Variants in CTNND2 observed in about 807,000 individuals in gnomAD.
CTNND2 encodes catenin delta-2.
Under a neutral mutation model 144.4 loss-of-function variants are expected in CTNND2, and 22 were observed. The ratio of observed to expected loss-of-function variants is 0.15; its 90% CI spans 0.11 to 0.22. The LOEUF (loss-of-function observed/expected upper bound fraction) is 0.22, where lower values mean the gene tolerates loss of function less well. Ranked by LOEUF, CTNND2 falls within the 10% of genes least tolerant of loss-of-function variation. The pLI is 1.00. For missense variants in CTNND2, 1,353 were observed against 1,618.8 expected, an observed-to-expected ratio of 0.84 and a Z score of 2.82; for synonymous variants, 751 against 695.6, an observed-to-expected ratio of 1.08 and a Z score of -1.25.
intron 9 of CTNND2, among the ~76,000 whole-genome samples, chr5:11,314,974 C>T (rs1751346522): frequency 6.6e-6 from 1 of 152,112 alleles, no homozygotes. Flanking sequence ...ACATACTATA[C>T]TAAAAACTTT....
intron 1 of CTNND2, among the ~76,000 whole-genome samples, chr5:11,856,574 C>T (rs1477701828): frequency 1.3e-5 from 2 of 151,884 alleles, no homozygotes; most frequent in East Asian, 1.9e-4. Context: ...AGGGAAGAAG[C>T]GGAAGTAAAA....
chr5:11,564,459 T>C (rs1776918916), intron 3 of CTNND2, among the ~76,000 whole-genome samples: 1 of 152,240 alleles, frequency 6.6e-6, no homozygotes, highest in African/African-American at 2.4e-5. Context: ...TTTATGTTTA[T>C]GAATGAGGAA....
rs71595810 is a variant in CTNND2 at position 11,250,456 on chromosome 5, G to GCTCTCTCTCTCT, written c.1629-13645_1629-13634dup. Among the ~76,000 whole-genome samples the GCTCTCTCTCTCT allele has an allele frequency of 6.1e-4, 45 of 73,186 alleles. 1 individual carries two copies. Among genetic ancestry groups the GCTCTCTCTCTCT allele is most frequent in the South Asian group, 7.1e-4 (1 of 1,406 alleles). 48.0% of individuals were successfully genotyped at this position (73,186 alleles called of 152,430 possible). A position where few individuals can be genotyped will look rare whatever the true frequency, so the allele number is the denominator to read the frequency against. On this transcript the variant is annotated intron_variant, in intron 9 of 21. Transcript: ENST00000304623. ...AAAGTTTGCGGTGAATTTAAAGGGT[G>GCTCTCTCTCTCT]CTCTCTCTCTCTCTCTCTCTCTCTC... is the stretch of plus-strand genomic sequence containing the variant.
intron 12 of CTNND2, among the ~76,000 whole-genome samples, chr5:11,156,539 T>C (rs1027156495): frequency 2.0e-5 from 3 of 152,198 alleles, no homozygotes; most frequent in African/African-American, 7.2e-5. Context: ...TATATATTCC[T>C]GAAACAATAG....
chr5:11,648,538 C>A (rs536186822), intron 2 of CTNND2, among the ~76,000 whole-genome samples: 3 of 152,272 alleles, frequency 2.0e-5, no homozygotes, highest in East Asian at 1.9e-4. Context: ...ATTTTTCCCC[C>A]AAATTAATTT....
At chr5:11,544,708 C>T (rs1390660174) in intron 3 of CTNND2, among the ~76,000 whole-genome samples, 1 of 152,228 alleles carries the variant, frequency 6.6e-6, no homozygotes, top group Non-Finnish European at 1.5e-5. Flanking sequence ...GAGGGCTGGG[C>T]ATGGTGGCTC....
intron 1 of CTNND2, among the ~76,000 whole-genome samples, chr5:11,744,134 A>G (rs1180184682): frequency 6.6e-6 from 1 of 152,154 alleles, no homozygotes; most frequent in African/African-American, 2.4e-5. Context: ...CGAATGTCTC[A>G]CCGTCTGTTT....
intron 2 of CTNND2, among the ~76,000 whole-genome samples, chr5:11,719,808 T>A (rs1369824782): frequency 6.7e-6 from 1 of 150,188 alleles, no homozygotes; most frequent in Non-Finnish European, 1.5e-5. Flanking sequence ...CTTCTCTCTT[T>A]GAATTTGTGG....
chr5:11,480,022 A>G (rs1349447497), intron 3 of CTNND2, among the ~76,000 whole-genome samples: 1 of 152,058 alleles, frequency 6.6e-6, no homozygotes, highest in Non-Finnish European at 1.5e-5. Context: ...ATTAGATCCC[A>G]TTTGCCAATT....
At chr5:11,598,517 G>T (rs936679533) in intron 2 of CTNND2, among the ~76,000 whole-genome samples, 5 of 152,118 alleles carry the variant, frequency 3.3e-5, no homozygotes, top group Non-Finnish European at 5.9e-5. Context: ...TCCTTTATCT[G>T]ATTACATTTA....
At chr5:11,736,787 A>C (rs1407906728) in intron 1 of CTNND2, among the ~76,000 whole-genome samples, 1 of 152,204 alleles carries the variant, frequency 6.6e-6, no homozygotes. Context: ...AACCACCAGC[A>C]ATTCTGCCAT....
chr5:11,123,101 C>A (rs1467687494), intron 12 of CTNND2, among the ~76,000 whole-genome samples: 2 of 152,148 alleles, frequency 1.3e-5, no homozygotes, highest in African/African-American at 4.8e-5. Context: ...CCAAGCACTG[C>A]CTTTTCTACC....
intron 9 of CTNND2, among the ~76,000 whole-genome samples, chr5:11,327,317 GAA>G (rs1196217174): frequency 6.6e-6 from 1 of 152,066 alleles, no homozygotes; most frequent in East Asian, 1.9e-4. Flanking sequence ...CTCAGTGGGA[GAA>G]AAAAGAGAAC....
chr5:11,796,661 G>T (rs993124963), intron 1 of CTNND2, among the ~76,000 whole-genome samples: 51 of 152,048 alleles, frequency 3.4e-4, no homozygotes, highest in African/African-American at 1.2e-3. Flanking sequence ...TCTGTTTTTT[G>T]AAAATGAAAT....
At chr5:11,767,426 A>G (rs531315691) in intron 1 of CTNND2, among the ~76,000 whole-genome samples, 47 of 152,292 alleles carry the variant, frequency 3.1e-4, no homozygotes, top group African/African-American at 1.1e-3. Context: ...ACTTCCAGAA[A>G]TGCAGAACTC....
intron 2 of CTNND2, among the ~76,000 whole-genome samples, chr5:11,637,933 A>G (rs1389152695): frequency 2.6e-5 from 4 of 152,206 alleles, no homozygotes; most frequent in African/African-American, 9.6e-5. Flanking sequence ...TCCCCTTAAG[A>G]AAACGAATAC....
intron 1 of CTNND2, among the ~76,000 whole-genome samples, chr5:11,851,468 T>C (rs182057322): frequency 6.6e-6 from 1 of 152,326 alleles, no homozygotes; most frequent in African/African-American, 2.4e-5. Flanking sequence ...CTAGAGGAAT[T>C]TGCTGACTTC....
intron 15 of CTNND2, chr5:11,083,814 T>A: frequency 1.3e-6 from 1 of 775,352 alleles, no homozygotes; most frequent in South Asian, 3.1e-5. Flanking sequence ...TCCCACCCAG[T>A]CCCCCCACCA....
chr5:11,184,245 G>C (rs1735393491), intron 11 of CTNND2, among the ~76,000 whole-genome samples: 1 of 152,192 alleles, frequency 6.6e-6, no homozygotes, highest in Admixed American at 6.5e-5. Flanking sequence ...TGTGAGAAAT[G>C]AAAGTAGCCT....
Sources: gnomAD v4.1 joint callset for allele counts (sites outside exome capture counted in the v4.1 genomes callset) on GRCh38, gnomAD v4.1.1 for gene constraint, MANE v1.5 for transcripts, NCBI Gene and HGNC (gene_info 2026-07-23, HGNC 2026-07-21) for gene names.